The following FHIT variants were observed in gnomAD, a reference collection of about 807,000 sequenced individuals.
FHIT encodes fragile histidine triad diadenosine triphosphatase, also known as bis(5'-adenosyl)-triphosphatase.
FHIT carries 19 observed loss-of-function variants against 17.9 expected under a neutral mutation model. The ratio of observed to expected loss-of-function variants is 1.06; its 90% CI spans 0.74 to 1.56. The LOEUF (loss-of-function observed/expected upper bound fraction) is 1.56. Among genes scored for constraint, FHIT ranks in the 40% most tolerant of loss-of-function variants. The pLI is 0.00. For synonymous variants in FHIT, 81 were observed against 69.7 expected (o/e 1.16, Z -0.81); for missense variants, 248 against 189.2 (o/e 1.31, Z -1.82).
intron 1 of FHIT, among the ~76,000 whole-genome samples, chr3:61,241,219 G>T (rs893490190): frequency 6.6e-6 from 1 of 152,120 alleles, no homozygotes; most frequent in African/African-American, 2.4e-5. Flanking sequence ...TCCTAGAAGA[G>T]ATTGAACTGG....
chr3:59,989,482 G>T (rs920085148), intron 7 of FHIT, among the ~76,000 whole-genome samples: 2 of 151,998 alleles, frequency 1.3e-5, no homozygotes, highest in East Asian at 3.9e-4. Context: ...AGTGACCATG[G>T]GAAGACAAGA....
At chr3:61,231,946 T>C (rs80102358) in intron 1 of FHIT, among the ~76,000 whole-genome samples, 2,467 of 152,300 alleles carry the variant, frequency 0.016, 43 homozygotes, top group Non-Finnish European at 0.026. Flanking sequence ...AATGAAAATA[T>C]GTGCTTGGGT....
intron 8 of FHIT, among the ~76,000 whole-genome samples, chr3:59,895,090 G>A (rs974037271): frequency 1.3e-5 from 2 of 152,192 alleles, no homozygotes; most frequent in African/African-American, 4.8e-5. Flanking sequence ...TGGGTGGGAG[G>A]TGTTTCTGGC....
At chr3:60,197,717 C>G (rs1488658821) in intron 5 of FHIT, among the ~76,000 whole-genome samples, 1 of 152,120 alleles carries the variant, frequency 6.6e-6, no homozygotes, top group Non-Finnish European at 1.5e-5. Context: ...AACATTTCTT[C>G]TTTGTATTGA....
At chr3:59,791,362 G>A (rs1009859667) in intron 8 of FHIT, among the ~76,000 whole-genome samples, 5 of 152,176 alleles carry the variant, frequency 3.3e-5, no homozygotes, top group Admixed American at 6.5e-5. Context: ...TCTACCATAA[G>A]CTAGTAGGAT....
chr3:61,219,238 A>T (rs3915074), intron 1 of FHIT, among the ~76,000 whole-genome samples: 38,031 of 152,046 alleles, frequency 0.25, 5,323 homozygotes, highest in East Asian at 0.49. Flanking sequence ...GACTGAAATG[A>T]CATTATGTGG....
intron 4 of FHIT, among the ~76,000 whole-genome samples, chr3:60,605,298 C>T (rs782113112): frequency 6.6e-6 from 1 of 152,134 alleles, no homozygotes; most frequent in Non-Finnish European, 1.5e-5. Flanking sequence ...ATACTATTTG[C>T]AGTCATAATA....
rs200754707 is a variant in FHIT at position 60,405,057 on chromosome 3, A to C, written c.103+131803T>G. 3.8e-4 allele frequency among the ~76,000 whole-genome samples: 58 copies of C among 152,308 alleles called. No homozygotes were observed. The East Asian group carries it at 8.3e-3, about 22-fold the overall frequency. On this transcript the variant is annotated intron_variant, in intron 5 of 9. Coordinates refer to ENST00000492590, the MANE Select transcript of FHIT (RefSeq NM_002012.4). ...CTCCACTCCCATCCCACTGATGGCC[A>C]CAGGAGGCAGCCAAATGCCTAGGAA... is the stretch of plus-strand genomic sequence containing the variant.
At chr3:60,916,765 A>G (rs536799361) in intron 3 of FHIT, among the ~76,000 whole-genome samples, 1 of 152,282 alleles carries the variant, frequency 6.6e-6, no homozygotes, top group East Asian at 1.9e-4. Context: ...CTGCTCTATT[A>G]TATCAATAAG....
intron 8 of FHIT, among the ~76,000 whole-genome samples, chr3:59,783,468 A>C (rs1022194413): frequency 6.6e-6 from 1 of 152,188 alleles, no homozygotes; most frequent in Non-Finnish European, 1.5e-5. Context: ...ACTTGATCTC[A>C]CAAAAAACAA....
At chr3:60,575,778 A>T (rs2037543685) in intron 4 of FHIT, among the ~76,000 whole-genome samples, 1 of 152,142 alleles carries the variant, frequency 6.6e-6, no homozygotes, top group Non-Finnish European at 1.5e-5. Context: ...TACGGTTCAC[A>T]TGAAGAGTTG....
At chr3:59,949,559 G>C (rs1707007705) in intron 7 of FHIT, among the ~76,000 whole-genome samples, 1 of 152,162 alleles carries the variant, frequency 6.6e-6, no homozygotes, top group Admixed American at 6.5e-5. Flanking sequence ...TTAATACTTT[G>C]GAAAGGATAA....
intron 3 of FHIT, among the ~76,000 whole-genome samples, chr3:60,990,907 T>C (rs2030148276): frequency 6.6e-6 from 1 of 152,196 alleles, no homozygotes; most frequent in African/African-American, 2.4e-5. Flanking sequence ...CATTCCTTTG[T>C]TTATTCAGGC....
At chr3:60,064,666 A>C (rs1009227888) in intron 5 of FHIT, among the ~76,000 whole-genome samples, 2 of 152,200 alleles carry the variant, frequency 1.3e-5, no homozygotes, top group African/African-American at 4.8e-5. Context: ...TACACACAAC[A>C]CAAGCACACT....
intron 5 of FHIT, among the ~76,000 whole-genome samples, chr3:60,404,214 T>C (rs923077087): frequency 6.6e-6 from 1 of 152,198 alleles, no homozygotes; most frequent in African/African-American, 2.4e-5. Flanking sequence ...TTTTGTCTAA[T>C]TCTTTGTTCA....
chr3:60,697,402 C>T (rs2041138508), intron 4 of FHIT, among the ~76,000 whole-genome samples: 1 of 152,138 alleles, frequency 6.6e-6, no homozygotes, highest in African/African-American at 2.4e-5. Flanking sequence ...ACTGTTCATA[C>T]ATGTCATATG....
rs145471181 is a variant in FHIT at position 60,692,678 on chromosome 3, A to C, written c.-18+129241T>G. Among the ~76,000 whole-genome samples the C allele has an allele frequency of 4.6e-3, 707 of 152,276 alleles. 2 individuals are homozygous for C. Among genetic ancestry groups the C allele is most frequent in the Non-Finnish European group, 8.0e-3 (547 of 68,014 alleles). ...GCCCACTAATATCCATCTATTTCAA[A>C]CTTCTGACCTCCCAAACTGTAAAAT... On this transcript the variant is annotated intron_variant, in intron 4 of 9. Transcript: ENST00000492590.
intron 3 of FHIT, among the ~76,000 whole-genome samples, chr3:60,927,689 G>A (rs1424676135): frequency 6.6e-6 from 1 of 151,950 alleles, no homozygotes; most frequent in Non-Finnish European, 1.5e-5. Flanking sequence ...TCTGGGAGGT[G>A]GGGAGCACCC....
At chr3:61,178,649 T>C (rs1288571087) in intron 2 of FHIT, among the ~76,000 whole-genome samples, 1 of 151,986 alleles carries the variant, frequency 6.6e-6, no homozygotes, top group Non-Finnish European at 1.5e-5. Context: ...CTAGCCTCCA[T>C]TTAATTAGTC....
Sources: gnomAD v4.1 joint callset for allele counts (sites outside exome capture counted in the v4.1 genomes callset) on GRCh38, gnomAD v4.1.1 for gene constraint, MANE v1.5 for transcripts, NCBI Gene and HGNC (gene_info 2026-07-23, HGNC 2026-07-21) for gene names.